RRP36: variants seen among roughly 807,000 people sequenced by gnomAD.
RRP36 encodes ribosomal RNA processing protein 36 homolog.
A neutral mutation model predicts 39.8 loss-of-function variants in RRP36; 44 were observed. That is an observed-to-expected ratio of 1.10 (90% confidence interval 0.87 to 1.42). The LOEUF (loss-of-function observed/expected upper bound fraction) is 1.42. Ranked by LOEUF, RRP36 falls within the 40% of genes most tolerant of loss-of-function variation. The pLI, the probability that RRP36 is intolerant of heterozygous loss-of-function variation, is 0.00. For synonymous variants in RRP36, 124 were observed against 123.1 expected, an observed-to-expected ratio of 1.01 and a Z score of -0.05; for missense variants, 316 against 322.4, an observed-to-expected ratio of 0.98 and a Z score of 0.15.
intron 1 of RRP36, among the ~76,000 whole-genome samples, chr6:43,023,283 C>T (rs184325061): frequency 5.3e-5 from 8 of 152,268 alleles, no homozygotes; most frequent in African/African-American, 1.9e-4. Flanking sequence ...TCTGTATTCC[C>T]AGCCACTGAG....
chr6:43,029,229 T>C lies in RRP36; in HGVS notation c.*1T>C. 1 of 1,614,124 alleles carries C rather than the reference T, an allele frequency of 6.2e-7. No individual in the cohort carries two copies. The highest frequency in any genetic ancestry group is 1.3e-5 in the African/African-American group (1 of 75,028). On this transcript the variant is annotated 3_prime_UTR_variant, in exon 7 of 7. Transcript: ENST00000244496. ...ACATCTCCCTTTGAGCAAAGAGTAA[T>C]AAGGAACTATCCTCTGCTCTGCCAC...
At chr6:43,027,704 A>G (rs958390509) in intron 6 of RRP36, among the ~76,000 whole-genome samples, 1 of 100,562 alleles carries the variant, frequency 9.9e-6, no homozygotes, top group Non-Finnish European at 1.9e-5. Flanking sequence ...TACACTCCCC[A>G]CTTCCCAACC....
Position 43,029,250 on chromosome 6 carries a change from G to T in RRP36, c.*22G>T. Reference sequence around the variant, plus strand: ...GTAATAAGGAACTATCCTCTGCTCTGCCACTGCCCCAGGGAGACATGGATC... The same window carrying T: ...GTAATAAGGAACTATCCTCTGCTCTTCCACTGCCCCAGGGAGACATGGATC... On this transcript the variant is annotated 3_prime_UTR_variant, in exon 7 of 7. Transcript: ENST00000244496. 1 of 1,612,310 alleles carries T rather than the reference G, an allele frequency of 6.2e-7. No individual in the cohort carries two copies. The highest frequency in any genetic ancestry group is 1.1e-5 in the South Asian group (1 of 91,008).
intron 6 of RRP36, among the ~76,000 whole-genome samples, chr6:43,027,821 C>CT (rs1363158511): frequency 7.1e-6 from 1 of 141,794 alleles, no homozygotes; most frequent in East Asian, 2.2e-4. Flanking sequence ...AGTTTTATCT[C>CT]TTGGTCTACA....
chr6:43,024,331 T>C (rs1364244498), intron 1 of RRP36, among the ~76,000 whole-genome samples: 1 of 151,678 alleles, frequency 6.6e-6, no homozygotes, highest in Non-Finnish European at 1.5e-5. Flanking sequence ...AGGAGACACA[T>C]TGAGAGGAGT....
chr6:43,022,518 A>C (rs1762739527), intron 1 of RRP36, among the ~76,000 whole-genome samples: 1 of 151,474 alleles, frequency 6.6e-6, no homozygotes, highest in Non-Finnish European at 1.5e-5. Context: ...GGCCCAAGAG[A>C]TCCTCCTACC....
intron 1 of RRP36, among the ~76,000 whole-genome samples, chr6:43,024,527 CCT>C (rs1762776774): frequency 6.6e-6 from 1 of 152,112 alleles, no homozygotes. Flanking sequence ...ATTTTCGATG[CCT>C]CTCTCAGGCT....
intron 4 of RRP36, 115 bp from the exon 5 acceptor site, chr6:43,027,063 C>T (rs2150296914): frequency 2.3e-6 from 2 of 867,128 alleles, no homozygotes; most frequent in East Asian, 2.7e-5. Context: ...GACTGCATCT[C>T]AAAAAAAAAT....
At chr6:43,024,685 G>A (rs1021611162) in intron 1 of RRP36, among the ~76,000 whole-genome samples, 1 of 152,040 alleles carries the variant, frequency 6.6e-6, no homozygotes, top group African/African-American at 2.4e-5. Context: ...TGCCCTTCTG[G>A]GGAAACCTGT....
intron 1 of RRP36, 49 bp from the exon 2 acceptor site, chr6:43,024,936 G>T (rs943472229): frequency 6.2e-7 from 1 of 1,605,136 alleles, no homozygotes; most frequent in African/African-American, 1.3e-5. Flanking sequence ...TGTCTTTTCT[G>T]CAGTGGGACA....
chr6:43,027,219 G>A lies in RRP36; in HGVS notation c.492G>A (p.Glu164=), dbSNP rs1180267258. 1.2e-6 allele frequency: 2 copies of A among 1,614,220 alleles called. No individual in the cohort carries two copies. The highest frequency in any genetic ancestry group is 1.7e-6 in the Non-Finnish European group (2 of 1,180,040). ...KQLKKHLSGE[E]HEKLQQLLQR... is the part of the protein sequence containing the mutation. ...TGAAGAAGCACCTTTCAGGAGAGGA[G>A]CATGAGAAACTGCAGCAACTGCTTC... is the stretch of plus-strand genomic sequence containing the variant. The change falls in exon 5 of 7, where the codon GAG becomes GAA. Residue 164 remains glutamate (E), a synonymous_variant. Coordinates refer to ENST00000244496, the MANE Select transcript of RRP36 (RefSeq NM_033112.4).
chr6:43,026,076 T>C lies in RRP36; in HGVS notation c.385T>C (p.Tyr129His). Residue 129 changes from tyrosine to histidine, a missense_variant, in exon 4 of 7, where the codon TAT (tyrosine) becomes CAT (histidine). Transcript: ENST00000244496. Reference protein sequence around the residue: ...DPRFDDLSGEYNPEVFDKTYQ... With the variant: ...DPRFDDLSGEHNPEVFDKTYQ... ...TCGCTTTGATGATCTGTCAGGGGAA[T>C]ATAATCCTGAGGTGTTTGACAAAAC... The C allele has an allele frequency of 6.2e-7, 1 of 1,613,950 alleles. No homozygotes were observed. The highest frequency in any genetic ancestry group is 1.1e-5 in the South Asian group (1 of 91,078).
Position 43,027,445 on chromosome 6 carries a change from A to G in RRP36, c.611A>G (p.Gln204Arg). 6.2e-7 allele frequency: 1 copy of G among 1,614,128 alleles called. No homozygotes were observed. ...AAGCAAGAACGTCGGGCTCAGGCCC[A>G]GCAGGGCCATCGGCCATACTTCCTG... ...ALKQERRAQA[Q>R]QGHRPYFLKK... is the part of the protein sequence containing the mutation. Residue 204 changes from glutamine to arginine, a missense_variant, in exon 6 of 7, where the codon CAG (glutamine) becomes CGG (arginine). Physicochemically the swap from Gln to Arg is conservative, Grantham distance 43. Transcript: ENST00000244496.
In RRP36 at chr6:43,027,428, A is replaced by C; in HGVS notation, c.594A>C (p.Glu198Asp). 1 of 1,614,206 alleles carries C rather than the reference A, an allele frequency of 6.2e-7. No homozygotes were observed. Among genetic ancestry groups the C allele is most frequent in the Non-Finnish European group, 8.5e-7 (1 of 1,180,026 alleles). Residue 198 changes from glutamate to aspartate, a missense_variant, in exon 6 of 7, where the codon GAA (glutamate) becomes GAC (aspartate). Glu to Asp is a conservative substitution (Grantham distance 45, BLOSUM62 2). Transcript: ENST00000244496. ...QQELHLALKQ[E>D]RRAQAQQGHR... is the part of the protein sequence containing the mutation. Reference sequence around the variant, plus strand: ...AGCTGCACCTGGCCCTGAAGCAAGAACGTCGGGCTCAGGCCCAGCAGGGCC... The same window carrying C: ...AGCTGCACCTGGCCCTGAAGCAAGACCGTCGGGCTCAGGCCCAGCAGGGCC...
chr6:43,022,075 C>A (rs908454915), intron 1 of RRP36, among the ~76,000 whole-genome samples: 1 of 152,010 alleles, frequency 6.6e-6, no homozygotes, highest in Non-Finnish European at 1.5e-5. Flanking sequence ...CTTAGTAGAT[C>A]AGAATTCAGC....
chr6:43,026,123 C>T lies in RRP36; in HGVS notation c.432C>T (p.Ile144=). The change falls in exon 4 of 7, where the codon ATC becomes ATT. Residue 144 remains isoleucine, a synonymous_variant. Transcript: ENST00000244496. ...AAACATACCAATTCTTGAATGACAT[C>T]CGAGCGAAAGAGAAAGAGGTATACA... The part of the protein sequence containing the change: ...FDKTYQFLND[I]RAKEKELVKK... 6.2e-7 allele frequency: 1 copy of T among 1,613,182 alleles called. No homozygotes were observed. The highest frequency in any genetic ancestry group is 8.5e-7 in the Non-Finnish European group (1 of 1,179,330).
At chr6:43,025,884 G>T (rs1008906545) in intron 3 of RRP36, among the ~76,000 whole-genome samples, 153 bp from the exon 4 acceptor site, 1 of 152,092 alleles carries the variant, frequency 6.6e-6, no homozygotes, top group Non-Finnish European at 1.5e-5. Context: ...AGTGAGCCGA[G>T]ATTGCACCAC....
chr6:43,027,385 A>G lies in RRP36; in HGVS notation c.551A>G (p.Glu184Gly), dbSNP rs766804064. The G allele has an allele frequency of 1.2e-6, 2 of 1,614,228 alleles. No homozygotes were observed. Among genetic ancestry groups the G allele is most frequent in the South Asian group, 2.2e-5 (2 of 91,084 alleles). ...GAGCAGCAAGAAATGGCACAGCAGG[A>G]ACGAAAGCAACAGCAGGAGCTGCAC... ...RMEQQEMAQQ[E>G]RKQQQELHLA... Residue 184 changes from glutamate to glycine, a missense_variant, in exon 6 of 7, where the codon GAA becomes GGA. Transcript: ENST00000244496.
At chr6:43,024,946 A>T (rs771095842) in intron 1 of RRP36, 39 bp from the exon 2 acceptor site, 1 of 1,610,080 alleles carries the variant, frequency 6.2e-7, no homozygotes, top group South Asian at 1.1e-5. Context: ...GCAGTGGGAC[A>T]TGCTGAGCTG....
Sources: gnomAD v4.1 joint callset for allele counts (sites outside exome capture counted in the v4.1 genomes callset) on GRCh38, gnomAD v4.1.1 for gene constraint, MANE v1.5 for transcripts, NCBI Gene and HGNC (gene_info 2026-07-23, HGNC 2026-07-21) for gene names.